The following STAB2 variants were observed in gnomAD, a reference collection of about 807,000 sequenced individuals.
STAB2 encodes the protein stabilin-2.
A neutral mutation model predicts 338.1 loss-of-function variants in STAB2; 288 were observed. The ratio of observed to expected loss-of-function variants is 0.85; its 90% CI spans 0.77 to 0.94. STAB2 has a LOEUF of 0.94. Ranked by LOEUF, STAB2 falls within the 40% of genes least tolerant of loss-of-function variation. The pLI, the probability that STAB2 is intolerant of heterozygous loss-of-function variation, is 0.00. For missense variants in STAB2, 3,141 were observed against 3,210.1 expected, an observed-to-expected ratio of 0.98 and a Z score of 0.52; for synonymous variants, 1,202 against 1,193.3, an observed-to-expected ratio of 1.01 and a Z score of -0.15.
At chr12:103,635,299 C>G (rs1593166295) in intron 6 of STAB2, among the ~76,000 whole-genome samples, 1 of 152,190 alleles carries the variant, frequency 6.6e-6, no homozygotes, top group Non-Finnish European at 1.5e-5. Context: ...ATAAATGATT[C>G]TCCTTCACTA....
chr12:103,613,534 A>G (rs1415807761), intron 3 of STAB2, among the ~76,000 whole-genome samples: 1 of 152,118 alleles, frequency 6.6e-6, no homozygotes, highest in Non-Finnish European at 1.5e-5. Flanking sequence ...AGACCACTGG[A>G]AAAGCGCAGT....
At chr12:103,591,934 C>G (rs1401241379) in intron 2 of STAB2, among the ~76,000 whole-genome samples, 2 of 152,030 alleles carry the variant, frequency 1.3e-5, no homozygotes, top group African/African-American at 4.8e-5. Context: ...GCTTTTAATT[C>G]CGGATGGAAG....
intron 10 of STAB2, among the ~76,000 whole-genome samples, chr12:103,649,596 C>G (rs1309192679): frequency 6.6e-6 from 1 of 152,182 alleles, no homozygotes; most frequent in Non-Finnish European, 1.5e-5. Context: ...AAAATGATCT[C>G]CCAGCAAGAA....
chr12:103,761,531 C>T, intron 66 of STAB2, 121 bp downstream of exon 66: 1 of 855,974 alleles, frequency 1.2e-6, no homozygotes, highest in Non-Finnish European at 1.8e-6. Context: ...GGAGGAGCCT[C>T]CAGCCTCCAA....
chr12:103,632,424 G>A (rs781103836), intron 6 of STAB2, among the ~76,000 whole-genome samples: 15 of 152,176 alleles, frequency 9.9e-5, no homozygotes, highest in Non-Finnish European at 2.1e-4. Flanking sequence ...GTGGGTGGCC[G>A]AGAAGTTTGC....
chr12:103,610,307 C>T (rs542120050), intron 3 of STAB2, among the ~76,000 whole-genome samples: 1 of 152,236 alleles, frequency 6.6e-6, no homozygotes, highest in African/African-American at 2.4e-5. Flanking sequence ...GCTGTGAATC[C>T]GTCTGGTCAT....
chr12:103,762,406 A>G lies in STAB2; in HGVS notation c.7488+4A>G, dbSNP rs1185598924. 6.2e-7 allele frequency: 1 copy of G among 1,614,072 alleles called. No individual in the cohort carries two copies. Among genetic ancestry groups the G allele is most frequent in the Non-Finnish European group, 8.5e-7 (1 of 1,180,026 alleles). On this transcript the variant is annotated splice_donor_region_variant and intron_variant, in intron 67 of 68. Coordinates refer to ENST00000388887, the MANE Select transcript of STAB2 (RefSeq NM_017564.10). ...AATCGGCTTCCAGCATTTTGAGGTA[A>G]GAGAGAAAAATGGGAACATGATGAT...
intron 43 of STAB2, among the ~76,000 whole-genome samples, chr12:103,716,544 A>G (rs1027837120): frequency 6.6e-6 from 1 of 152,192 alleles, no homozygotes; most frequent in African/African-American, 2.4e-5. Context: ...TGAATGCTCT[A>G]TTGACCTAGT....
In STAB2 at chr12:103,742,691, A is replaced by G. The variant is rs914111419; in HGVS notation, c.6031+137A>G. 2.9e-5 allele frequency: 40 copies of G among 1,393,426 alleles called. No individual in the cohort carries two copies. The South Asian group carries it at 5.3e-4, about 18-fold the overall frequency. 86.3% of individuals were successfully genotyped at this position (1,393,426 alleles called of 1,614,324 possible). ...CACACCCCTCCAATCTGCCTGCCCT[A>G]TGTGTTTATTTCCTCCTTGGATGCA... On this transcript the variant is annotated intron_variant, in intron 56 of 68. Coordinates refer to ENST00000388887, the MANE Select transcript of STAB2 (RefSeq NM_017564.10).
chr12:103,634,380 A>C (rs1314770622), intron 6 of STAB2, among the ~76,000 whole-genome samples: 1 of 152,186 alleles, frequency 6.6e-6, no homozygotes, highest in African/African-American at 2.4e-5. Context: ...GTACATTTTC[A>C]GTGATTGCTA....
intron 23 of STAB2, among the ~76,000 whole-genome samples, chr12:103,674,865 G>T (rs1876182915): frequency 6.6e-6 from 1 of 152,212 alleles, no homozygotes; most frequent in African/African-American, 2.4e-5. Flanking sequence ...TGAGACAAGA[G>T]ACTGTCTCTT....
intron 42 of STAB2, 48 bp downstream of exon 42, chr12:103,713,816 G>A (rs1198964526): frequency 6.2e-7 from 1 of 1,606,918 alleles, no homozygotes; most frequent in South Asian, 1.1e-5. Context: ...AAGAGTCATA[G>A]CCCTATTAAA....
At chr12:103,685,463 TGTGTGTGTGCGTGC>T (rs1275989984) in intron 27 of STAB2, among the ~76,000 whole-genome samples, 61 of 139,940 alleles carry the variant, frequency 4.4e-4, no homozygotes, top group African/African-American at 1.5e-3. Flanking sequence ...TGCGCGTGCG[TGTGTGTGTGCGTGC>T]GCGCATGTGT....
chr12:103,691,360 G>A (rs7138431), intron 30 of STAB2, among the ~76,000 whole-genome samples: 15,164 of 152,212 alleles, frequency 0.1, 1,295 homozygotes, highest in African/African-American at 0.23. Context: ...AGATCTATGC[G>A]TAGTAATACC....
rs147383981 is a variant in STAB2 at position 103,688,185 on chromosome 12, C to T, written c.3015C>T (p.Ser1005=). Residue 1005 remains serine, a synonymous_variant, in exon 28 of 69, where the codon TCC becomes TCT. Transcript: ENST00000388887. The stretch of plus-strand genomic sequence containing the variant: ...TGAATAAGGAATTGTCATTTCTCTC[C>T]GAAGCAGCTATATTTAACCGATGGA... ...GNAAVELSFL[S]EAAIFNRWIN... 6.9e-5 allele frequency: 112 copies of T among 1,613,744 alleles called. No individual in the cohort carries two copies. Among genetic ancestry groups the T allele is most frequent in the Middle Eastern group, 6.6e-4 (4 of 6,060 alleles).
intron 41 of STAB2, among the ~76,000 whole-genome samples, chr12:103,713,333 G>A (rs936097851): frequency 1.3e-5 from 2 of 152,180 alleles, no homozygotes; most frequent in African/African-American, 4.8e-5. Flanking sequence ...GGCAGCACTG[G>A]ACAATGATCA....
intron 44 of STAB2, 78 bp downstream of exon 44, chr12:103,717,919 G>C: frequency 6.9e-7 from 1 of 1,452,488 alleles, no homozygotes; most frequent in Non-Finnish European, 9.6e-7. Context: ...CGGGGATGCA[G>C]AGTTGAGGAA....
At chr12:103,744,019 A>G (rs1882798884) in intron 56 of STAB2, among the ~76,000 whole-genome samples, 3 of 152,224 alleles carry the variant, frequency 2.0e-5, no homozygotes, top group Non-Finnish European at 4.4e-5. Context: ...GTAGGAGAAC[A>G]GGCACAGAAG....
In STAB2 at chr12:103,608,508, A is replaced by G. The variant is rs796151529; in HGVS notation, c.332-11960A>G. On this transcript the variant is annotated intron_variant, in intron 3 of 68. Coordinates refer to ENST00000388887, the MANE Select transcript of STAB2 (RefSeq NM_017564.10). The stretch of plus-strand genomic sequence containing the variant: ...GTCTTCTTTTGAGGAGTGTCTGTTC[A>G]TATCCTTTGTCCACTTGTTGATGGG... Among the ~76,000 whole-genome samples, 14 of 152,150 alleles carry G rather than the reference A, an allele frequency of 9.2e-5. No individual in the cohort carries two copies. The South Asian group carries it at 1.2e-3, about 14-fold the overall frequency.
Sources: gnomAD v4.1 joint callset for allele counts (sites outside exome capture counted in the v4.1 genomes callset) on GRCh38, gnomAD v4.1.1 for gene constraint, MANE v1.5 for transcripts, NCBI Gene and HGNC (gene_info 2026-07-23, HGNC 2026-07-21) for gene names.